The following PTPRJ variants were observed in gnomAD, a reference collection of about 807,000 sequenced individuals.
The protein encoded by PTPRJ is receptor-type tyrosine-protein phosphatase eta.
In PTPRJ, 129 loss-of-function variants were observed where a neutral mutation model predicts 141.3. That is an observed-to-expected ratio of 0.91 (90% confidence interval 0.79 to 1.06). The LOEUF (loss-of-function observed/expected upper bound fraction) is 1.06, where lower values mean the gene tolerates loss of function less well. PTPRJ is among the 50% of genes least tolerant of loss of function. The probability of loss-of-function intolerance (pLI) is 0.00; values close to 1 mark genes in which losing one functional copy is unlikely to be tolerated. For missense variants in PTPRJ, 1,601 were observed against 1,679.7 expected, an observed-to-expected ratio of 0.95 and a Z score of 0.82; for synonymous variants, 610 against 640.5, an observed-to-expected ratio of 0.95 and a Z score of 0.72.
chr11:48,110,225 G>C, intron 2 of PTPRJ, 149 bp downstream of exon 2: 1 of 928,740 alleles, frequency 1.1e-6, no homozygotes, highest in Non-Finnish European at 1.6e-6. Context: ...CTTTTTTTTT[G>C]AGTTGGAGCC....
intron 3 of PTPRJ, among the ~76,000 whole-genome samples, chr11:48,115,707 T>A (rs1161589726): frequency 1.3e-5 from 2 of 152,108 alleles, no homozygotes; most frequent in African/African-American, 4.8e-5. Flanking sequence ...AGATAATACT[T>A]AAAAAATAAT....
In PTPRJ at chr11:48,123,707, G is replaced by A. The variant is rs777170088; in HGVS notation, c.711G>A (p.Arg237=). 6.2e-7 allele frequency: 1 copy of A among 1,614,142 alleles called. No individual in the cohort carries two copies. Among genetic ancestry groups the A allele is most frequent in the Non-Finnish European group, 8.5e-7 (1 of 1,180,026 alleles). Residue 237 remains arginine (R), a synonymous_variant, in exon 5 of 25, where the codon CGG becomes CGA. Transcript: ENST00000418331. ...WSNGNGTASC[R]VLLESIGSHE... ...ATGGCAATGGCACTGCCTCCTGCCG[G>A]GTTCTTCTTGAAAGCATTGGAAGCC...
At chr11:48,016,954 G>A (rs1365864559) in intron 1 of PTPRJ, among the ~76,000 whole-genome samples, 1 of 151,802 alleles carries the variant, frequency 6.6e-6, no homozygotes, top group East Asian at 1.9e-4. Flanking sequence ...TGTAGAGACA[G>A]GGTCTCATGT....
In PTPRJ at chr11:48,167,303, A is replaced by C. The variant is rs139396147; in HGVS notation, c.3955A>C (p.Ile1319Leu). 6 of 1,614,082 alleles carry C rather than the reference A, an allele frequency of 3.7e-6. No homozygotes were observed. The highest frequency in any genetic ancestry group is 5.1e-6 in the Non-Finnish European group (6 of 1,179,910). The change falls in exon 25 of 25, where the codon ATC becomes CTC. Residue 1319 changes from isoleucine (I) to leucine (L), a missense_variant. Transcript: ENST00000418331. ...LIYQNTTAMT[I>L]YENLAPVTTF... ...CTACCAGAACACAACTGCAATGACA[A>C]TCTATGAAAACCTTGCGCCCGTGAC...
intron 4 of PTPRJ, among the ~76,000 whole-genome samples, chr11:48,122,879 C>G (rs1856741330): frequency 6.6e-6 from 1 of 152,152 alleles, no homozygotes; most frequent in South Asian, 2.1e-4. Flanking sequence ...GCAGCACTAC[C>G]TGTGCTTTTC....
chr11:48,010,696 C>G (rs918311355), intron 1 of PTPRJ, among the ~76,000 whole-genome samples: 1 of 150,876 alleles, frequency 6.6e-6, no homozygotes, highest in African/African-American at 2.4e-5. Context: ...CCACCACGCC[C>G]AGGTAATTTT....
At chr11:48,161,112 A>T (rs1565334397) in intron 22 of PTPRJ, among the ~76,000 whole-genome samples, 1 of 138,756 alleles carries the variant, frequency 7.2e-6, no homozygotes. Flanking sequence ...CAGGAGGTCG[A>T]GGCTGCAGTG....
intron 1 of PTPRJ, among the ~76,000 whole-genome samples, chr11:48,103,801 G>A (rs1590506419): frequency 6.6e-6 from 1 of 152,188 alleles, no homozygotes; most frequent in Non-Finnish European, 1.5e-5. Context: ...GGATTTCCAA[G>A]TTCACCCTCG....
chr11:48,026,129 G>A (rs548453645), intron 1 of PTPRJ, among the ~76,000 whole-genome samples: 1 of 152,284 alleles, frequency 6.6e-6, no homozygotes, highest in Admixed American at 6.5e-5. Context: ...TGTTGAGAAA[G>A]GTCTGTCTTC....
At chr11:47,984,157 G>A (rs1421429135) in intron 1 of PTPRJ, among the ~76,000 whole-genome samples, 1 of 152,194 alleles carries the variant, frequency 6.6e-6, no homozygotes, top group Non-Finnish European at 1.5e-5. Flanking sequence ...TGGGCCCCAC[G>A]ATAAAGATAA....
intron 1 of PTPRJ, among the ~76,000 whole-genome samples, chr11:48,089,573 T>C (rs182755378): frequency 1.3e-4 from 19 of 151,960 alleles, no homozygotes; most frequent in Admixed American, 1.0e-3. Context: ...ATATTGCCTG[T>C]ACCTATCACC....
Position 48,164,370 on chromosome 11 carries a change from T to C in PTPRJ, c.3720-10T>C, listed in dbSNP as rs1857858873. 1 of 1,612,852 alleles carries C rather than the reference T, an allele frequency of 6.2e-7. No individual in the cohort carries two copies. The highest frequency in any genetic ancestry group is 1.7e-5 in the Admixed American group (1 of 59,698). ...CCCACTGTAATAGGCTTATTTCTCT[T>C]TTCTCTCAGTGCTGGGGTCGGAAGG... is the stretch of plus-strand genomic sequence containing the variant. On this transcript the variant is annotated splice_polypyrimidine_tract_variant and intron_variant, in intron 23 of 24. Transcript: ENST00000418331.
intron 1 of PTPRJ, among the ~76,000 whole-genome samples, chr11:48,061,681 T>A (rs1854928545): frequency 6.6e-6 from 1 of 152,012 alleles, no homozygotes; most frequent in Non-Finnish European, 1.5e-5. Flanking sequence ...CAGGTGCGAG[T>A]CCCACCCCAG....
chr11:48,101,741 C>T (rs1188083066), intron 1 of PTPRJ, among the ~76,000 whole-genome samples: 1 of 152,152 alleles, frequency 6.6e-6, no homozygotes, highest in Non-Finnish European at 1.5e-5. Flanking sequence ...CTGTTTTTAT[C>T]CGTATTCTAA....
rs2134380971 is a variant in PTPRJ, at chr11:48,155,817, C to T, written c.3246C>T (p.Val1082=). ...ATGTCACAGATGATATTTCCCGTGT[C>T]AAACTTTCGGTCCAGACCCATTCAA... is the stretch of plus-strand genomic sequence containing the variant. ...NNVLPYDISR[V]KLSVQTHSTD... The change falls in exon 20 of 25, where the codon GTC becomes GTT. Residue 1082 remains valine (V), a synonymous_variant. Transcript: ENST00000418331. The T allele has an allele frequency of 6.2e-7, 1 of 1,602,688 alleles. No homozygotes were observed. The highest frequency in any genetic ancestry group is 1.1e-5 in the South Asian group (1 of 89,986).
Position 48,134,482 on chromosome 11 carries a change from T to C in PTPRJ, c.1616-1557T>C, listed in dbSNP as rs992229504. ...CCCTTTGACATCAGGAATCTGCTGGTAGGAAACAAAGGCTCCTCCCAGTGG... is the reference window on the plus strand; with the variant it reads ...CCCTTTGACATCAGGAATCTGCTGGCAGGAAACAAAGGCTCCTCCCAGTGG... On this transcript the variant is annotated intron_variant, in intron 8 of 24. Coordinates refer to ENST00000418331, the MANE Select transcript of PTPRJ (RefSeq NM_002843.4). Among the ~76,000 whole-genome samples, 26 of 152,260 alleles carry C rather than the reference T, an allele frequency of 1.7e-4. No individual in the cohort carries two copies. The South Asian group carries it at 1.9e-3, about 11-fold the overall frequency.
At position 47,980,954 on chromosome 11, in the gene PTPRJ, G is replaced by T. The variant is rs1346005571; in HGVS notation, c.42G>T (p.Ser14=). The T allele has an allele frequency of 3.3e-6, 4 of 1,199,882 alleles. No individual in the cohort carries two copies. Among genetic ancestry groups the T allele is most frequent in the Non-Finnish European group, 4.1e-6 (4 of 968,056 alleles). 74.3% of individuals were successfully genotyped at this position (1,199,882 alleles called of 1,614,324 possible). The change falls in exon 1 of 25, where the codon TCG becomes TCT. Residue 14 remains serine (S), a synonymous_variant. Coordinates refer to ENST00000418331, the MANE Select transcript of PTPRJ (RefSeq NM_002843.4). The part of the protein sequence containing the change: ...AAREARLPPR[S]PGLRWALPLL... ...GGGAGGCGCGGCTGCCTCCGCGCTC[G>T]CCCGGGCTGCGCTGGGCGCTGCCGC...
rs71045551 is a variant in PTPRJ, at chr11:48,168,534, GTATATATA to G, written c.*1213_*1220del. On this transcript the variant is annotated 3_prime_UTR_variant, in exon 25 of 25. Transcript: ENST00000418331. ...CGTGACACATATCGGAATCTACTGTGTATATATATATATATATATATATATATATATAT... is the reference window on the plus strand; with the variant it reads ...CGTGACACATATCGGAATCTACTGTGTATATATATATATATATATATATAT... 1,125 of 44,036 alleles carry G rather than the reference GTATATATA, an allele frequency of 0.026. 40 individuals are homozygous for G. The highest frequency in any genetic ancestry group is 0.1 in the South Asian group (122 of 1,208). The allele number at this position is 44,036 out of a possible 1,614,324, so 2.7% of individuals were successfully genotyped here.
rs370345453 is a variant in PTPRJ at position 48,128,388 on chromosome 11, C to G, written c.1357+345C>G. Among the ~76,000 whole-genome samples, 14 of 152,268 alleles carry G rather than the reference C, an allele frequency of 9.2e-5. No homozygotes were observed. The East Asian group carries it at 1.9e-3, about 21-fold the overall frequency. On this transcript the variant is annotated intron_variant, in intron 7 of 24. Coordinates refer to ENST00000418331, the MANE Select transcript of PTPRJ (RefSeq NM_002843.4). ...GGAGGAGACCTAGAGTGAATTGATA[C>G]AGGGAGACAAAAATGACCTGGTATT...
Sources: allele counts gnomAD v4.1 joint callset (sites outside exome capture counted in the v4.1 genomes callset), GRCh38; gene constraint gnomAD v4.1.1; transcripts MANE v1.5; gene names NCBI Gene and HGNC (gene_info 2026-07-23, HGNC 2026-07-21).